Variants in ATP8A1 observed in about 807,000 individuals in gnomAD.
The protein encoded by ATP8A1 is ATPase phospholipid transporting 8A1, also known as phospholipid-transporting ATPase IA.
Under a neutral mutation model 177.7 loss-of-function variants are expected in ATP8A1, and 90 were observed. The observed-to-expected ratio is 0.51, with a 90% confidence interval of 0.43 to 0.60. The LOEUF is 0.60. Among genes scored for constraint, ATP8A1 ranks in the 20% least tolerant of loss-of-function variants. ATP8A1 has a pLI of 0.00. For synonymous variants in ATP8A1, 493 were observed against 485.9 expected (o/e 1.01, Z -0.19); for missense variants, 1,072 against 1,392.8 (o/e 0.77, Z 3.67).
chr4:42,431,104 A>G (rs1314971154), intron 33 of ATP8A1, among the ~76,000 whole-genome samples: 6 of 152,240 alleles, frequency 3.9e-5, no homozygotes, highest in African/African-American at 1.4e-4. Flanking sequence ...AGAAACTAGA[A>G]TAGCGCTTTG....
At chr4:42,596,654 G>A (rs1439342282) in intron 6 of ATP8A1, among the ~76,000 whole-genome samples, 14 of 134,312 alleles carry the variant, frequency 1.0e-4, no homozygotes, top group South Asian at 2.4e-4. Context: ...GCAACAGAGC[G>A]AGACTCCATC....
intron 33 of ATP8A1, among the ~76,000 whole-genome samples, chr4:42,439,672 G>A (rs1032579600): frequency 6.6e-6 from 1 of 152,190 alleles, no homozygotes; most frequent in African/African-American, 2.4e-5. Context: ...GAACAAGACC[G>A]CTGCAATGTC....
chr4:42,605,649 C>T (rs1318675921), intron 5 of ATP8A1, among the ~76,000 whole-genome samples: 1 of 152,198 alleles, frequency 6.6e-6, no homozygotes, highest in African/African-American at 2.4e-5. Flanking sequence ...TGTACGTGCT[C>T]ATTTTCCCTC....
intron 11 of ATP8A1, 100 bp downstream of exon 11, chr4:42,579,713 G>A (rs1265793880): frequency 1.6e-5 from 17 of 1,079,696 alleles, no homozygotes; most frequent in African/African-American, 3.3e-5. Flanking sequence ...TGGCAACAAG[G>A]TCTTTTTAGA....
At chr4:42,428,799 A>G (rs1242584871) in intron 33 of ATP8A1, among the ~76,000 whole-genome samples, 3 of 152,058 alleles carry the variant, frequency 2.0e-5, no homozygotes, top group African/African-American at 7.2e-5. Flanking sequence ...TACACATAAC[A>G]TGTTTTGATG....
At chr4:42,530,040 G>A (rs1727106770) in intron 20 of ATP8A1, among the ~76,000 whole-genome samples, 1 of 152,190 alleles carries the variant, frequency 6.6e-6, no homozygotes, top group African/African-American at 2.4e-5. Context: ...GCTCACCAAC[G>A]GGTAATCTCA....
In ATP8A1 at chr4:42,616,029, C is replaced by T; in HGVS notation, c.409+4G>A. ...TATGAGAAAAAAGCATGTAAAATTC[C>T]TACCTTGCGTTTGTTTCTTGTTCAC... On this transcript the variant is annotated splice_donor_region_variant and intron_variant, in intron 5 of 36. Transcript: ENST00000381668. 20 of 1,610,846 alleles carry T rather than the reference C, an allele frequency of 1.2e-5. No homozygotes were observed. Among genetic ancestry groups the T allele is most frequent in the Non-Finnish European group, 1.5e-5 (18 of 1,178,598 alleles).
At chr4:42,621,855 C>T (rs969225867) in intron 4 of ATP8A1, among the ~76,000 whole-genome samples, 3 of 152,080 alleles carry the variant, frequency 2.0e-5, no homozygotes, top group Non-Finnish European at 4.4e-5. Context: ...ACAGTAACCA[C>T]AATAACATGG....
intron 16 of ATP8A1, 25 bp from the exon 17 acceptor site, chr4:42,552,635 A>T: frequency 6.5e-7 from 1 of 1,536,288 alleles, no homozygotes; most frequent in Non-Finnish European, 9.0e-7. Flanking sequence ...CACATAATTT[A>T]AGCCCTTCTC....
intron 20 of ATP8A1, among the ~76,000 whole-genome samples, chr4:42,537,877 C>A (rs527967019): frequency 4.5e-4 from 68 of 152,134 alleles, no homozygotes; most frequent in African/African-American, 1.6e-3. Context: ...ATCAAAATAC[C>A]ACCACCATTC....
In ATP8A1 at chr4:42,542,632, C is replaced by T. The variant is rs1272726345; in HGVS notation, c.1722+1285G>A. 3.9e-5 allele frequency among the ~76,000 whole-genome samples: 6 copies of T among 152,112 alleles called. No homozygotes were observed. The South Asian group carries it at 6.2e-4, about 16-fold the overall frequency. ...CAACGGTGTGTAATGTTCCCCTTCCCGTGTCCATGTGTTCTCATTGCTCAA... is the reference window on the plus strand; with the variant it reads ...CAACGGTGTGTAATGTTCCCCTTCCTGTGTCCATGTGTTCTCATTGCTCAA... On this transcript the variant is annotated intron_variant, in intron 20 of 36. Transcript: ENST00000381668.
chr4:42,538,055 G>A lies in ATP8A1; in HGVS notation c.1722+5862C>T, dbSNP rs187141236. Among the ~76,000 whole-genome samples, 301 of 152,132 alleles carry A rather than the reference G, an allele frequency of 2.0e-3. 2 individuals are homozygous for A. Among genetic ancestry groups the A allele is most frequent in the Admixed American group, 4.6e-3 (70 of 15,286 alleles). ...ATAGTCACCAAAACGGCATGGTAGTGGTATAAAAATAGGCATATAGACCAA... is the reference window on the plus strand; with the variant it reads ...ATAGTCACCAAAACGGCATGGTAGTAGTATAAAAATAGGCATATAGACCAA... On this transcript the variant is annotated intron_variant, in intron 20 of 36. Transcript: ENST00000381668.
chr4:42,423,138 A>G (rs1047370495), intron 34 of ATP8A1, among the ~76,000 whole-genome samples: 2 of 152,172 alleles, frequency 1.3e-5, no homozygotes, highest in Admixed American at 6.5e-5. Context: ...TTAAATAAAT[A>G]TCATGTAATT....
rs1577885179 is a variant in ATP8A1, at chr4:42,414,974, C to T, written c.3306-256G>A. The T allele has an allele frequency of 4.2e-5, 19 of 450,382 alleles. No individual in the cohort carries two copies. The East Asian group carries it at 7.0e-4, about 17-fold the overall frequency. The allele number at this position is 450,382 out of a possible 1,614,324, so 27.9% of individuals were successfully genotyped here. The stretch of plus-strand genomic sequence containing the variant: ...CCCAGTAAAAAGTAGGATCTCCTCA[C>T]CACCCCCCACTCAGTTATATTTAAG... On this transcript the variant is annotated intron_variant, in intron 35 of 36. Coordinates refer to ENST00000381668, the MANE Select transcript of ATP8A1 (RefSeq NM_006095.2).
At chr4:42,582,763 C>A (rs1483110216) in intron 9 of ATP8A1, among the ~76,000 whole-genome samples, 1 of 152,130 alleles carries the variant, frequency 6.6e-6, no homozygotes, top group Non-Finnish European at 1.5e-5. Flanking sequence ...ATTTAAGACA[C>A]ATTTTTCATG....
intron 22 of ATP8A1, among the ~76,000 whole-genome samples, chr4:42,511,165 G>C (rs1406200042): frequency 6.6e-6 from 1 of 152,054 alleles, no homozygotes; most frequent in Admixed American, 6.6e-5. Flanking sequence ...TTTTGCCCTG[G>C]TATCATTTAT....
rs1222984486 is a variant in ATP8A1 at position 42,409,834 on chromosome 4, G to C, written c.*3082C>G. 1 of 152,004 alleles carries C rather than the reference G, an allele frequency of 6.6e-6. No homozygotes were observed. The highest frequency in any genetic ancestry group is 2.1e-4 in the South Asian group (1 of 4,818). The allele number at this position is 152,004 out of a possible 1,614,324, so 9.4% of individuals were successfully genotyped here. The stretch of plus-strand genomic sequence containing the variant: ...ACATTGGATATTTAGAATGCTGAAC[G>C]GCAAAATTAAAGTATAAAATTTAAT... On this transcript the variant is annotated 3_prime_UTR_variant, in exon 37 of 37. Coordinates refer to ENST00000381668, the MANE Select transcript of ATP8A1 (RefSeq NM_006095.2).
chr4:42,456,255 G>A (rs1239018235), intron 27 of ATP8A1, among the ~76,000 whole-genome samples: 3 of 152,086 alleles, frequency 2.0e-5, no homozygotes, highest in Non-Finnish European at 4.4e-5. Context: ...CTGGCTTCCA[G>A]TTGTTTGCTA....
chr4:42,523,103 T>C (rs541091218), intron 21 of ATP8A1, among the ~76,000 whole-genome samples: 52 of 152,246 alleles, frequency 3.4e-4, no homozygotes, highest in African/African-American at 1.1e-3. Flanking sequence ...AGTCTAAGTA[T>C]AGTTGAGGGA....
Sources: allele counts gnomAD v4.1 joint callset (sites outside exome capture counted in the v4.1 genomes callset), GRCh38; gene constraint gnomAD v4.1.1; transcripts MANE v1.5; gene names NCBI Gene and HGNC (gene_info 2026-07-23, HGNC 2026-07-21).